Variants in CHSY3 observed in about 807,000 individuals in gnomAD.
CHSY3 encodes the protein chondroitin sulfate synthase 3.
Under a neutral mutation model 67.2 loss-of-function variants are expected in CHSY3, and 35 were observed. That is an observed-to-expected ratio of 0.52 (90% CI 0.40 to 0.69). CHSY3 has a LOEUF of 0.69. Among genes scored for constraint, CHSY3 ranks in the 30% least tolerant of loss-of-function variants. CHSY3 has a pLI of 0.00. For synonymous variants in CHSY3, 474 were observed against 434.7 expected, an observed-to-expected ratio of 1.09 and a Z score of -1.12; for missense variants, 1,069 against 1,138.5, an observed-to-expected ratio of 0.94 and a Z score of 0.88.
intron 2 of CHSY3, among the ~76,000 whole-genome samples, chr5:130,086,483 T>C (rs963297794): frequency 6.6e-6 from 1 of 152,120 alleles, no homozygotes. Flanking sequence ...CTCCATCGTT[T>C]TATTTTGAGC....
intron 2 of CHSY3, among the ~76,000 whole-genome samples, chr5:130,033,281 T>C (rs1367621093): frequency 6.6e-6 from 1 of 152,170 alleles, no homozygotes; most frequent in Non-Finnish European, 1.5e-5. Context: ...TTTTCTTCAA[T>C]TATTTTATCC....
chr5:129,918,185 C>T (rs1760795712), intron 2 of CHSY3, among the ~76,000 whole-genome samples: 1 of 152,024 alleles, frequency 6.6e-6, no homozygotes, highest in South Asian at 2.1e-4. Flanking sequence ...TATTAATTAC[C>T]CTTTTCTTAA....
chr5:129,904,068 A>C (rs895226613), upstream of CHSY3, among the ~76,000 whole-genome samples: 1 of 151,614 alleles, frequency 6.6e-6, no homozygotes, highest in Non-Finnish European at 1.5e-5. Context: ...TCCGCCGATG[A>C]GGTCAGCGGA....
At chr5:129,995,447 C>G (rs1201463110) in intron 2 of CHSY3, among the ~76,000 whole-genome samples, 1 of 150,598 alleles carries the variant, frequency 6.6e-6, no homozygotes, top group East Asian at 1.9e-4. Context: ...AAGTCTAATT[C>G]GTCGATTAAA....
At chr5:130,094,484 T>C (rs1173944649) in intron 2 of CHSY3, among the ~76,000 whole-genome samples, 1 of 152,078 alleles carries the variant, frequency 6.6e-6, no homozygotes, top group Non-Finnish European at 1.5e-5. Flanking sequence ...TTCCAAACCA[T>C]ATACAGGATA....
At position 129,946,966 on chromosome 5, in the gene CHSY3, A is replaced by G. The variant is rs1162155757; in HGVS notation, c.1086+38606A>G. On this transcript the variant is annotated intron_variant, in intron 2 of 2. Coordinates refer to ENST00000305031, the MANE Select transcript of CHSY3 (RefSeq NM_175856.5). Reference sequence around the variant, plus strand: ...ATGTGGGATTGCTGGATCATATGGTAGTTGTATTTTTAATTTTATGAGGAA... The same window carrying G: ...ATGTGGGATTGCTGGATCATATGGTGGTTGTATTTTTAATTTTATGAGGAA... Among the ~76,000 whole-genome samples the G allele has an allele frequency of 2.0e-5, 3 of 152,282 alleles. No homozygotes were observed. The East Asian group carries it at 5.8e-4, about 29-fold the overall frequency.
At chr5:130,094,336 A>G (rs1766978104) in intron 2 of CHSY3, among the ~76,000 whole-genome samples, 1 of 152,218 alleles carries the variant, frequency 6.6e-6, no homozygotes, top group Non-Finnish European at 1.5e-5. Context: ...ATAGTTTTAA[A>G]GACCAAATCT....
chr5:130,040,671 C>G (rs1321502975), intron 2 of CHSY3, among the ~76,000 whole-genome samples: 1 of 152,114 alleles, frequency 6.6e-6, no homozygotes, highest in African/African-American at 2.4e-5. Context: ...TTTGAAACTT[C>G]ATGGGCACTC....
intron 2 of CHSY3, among the ~76,000 whole-genome samples, chr5:129,948,293 T>TA (rs1246489750): frequency 6.6e-6 from 1 of 152,202 alleles, no homozygotes; most frequent in Non-Finnish European, 1.5e-5. Context: ...ACCCAAGTAG[T>TA]ATATGTTATA....
At chr5:130,002,327 G>A (rs1216690260) in intron 2 of CHSY3, 4 of 152,208 alleles carry the variant, frequency 2.6e-5, no homozygotes, top group Non-Finnish European at 5.9e-5. Flanking sequence ...GAGTGCTTCC[G>A]GCCCAGGCTG....
At chr5:130,006,042 A>C (rs761764018) in intron 2 of CHSY3, among the ~76,000 whole-genome samples, 30 of 152,292 alleles carry the variant, frequency 2.0e-4, no homozygotes, top group Non-Finnish European at 4.4e-4. Context: ...GCCCATACTA[A>C]TTTGTGTCAA....
chr5:130,069,928 T>C (rs373863997), intron 2 of CHSY3, among the ~76,000 whole-genome samples: 1 of 152,252 alleles, frequency 6.6e-6, no homozygotes, highest in South Asian at 2.1e-4. Context: ...GGAGGTACTT[T>C]ATTACCATTT....
intron 2 of CHSY3, among the ~76,000 whole-genome samples, chr5:130,083,989 A>G (rs531573099): frequency 6.6e-6 from 1 of 151,948 alleles, no homozygotes; most frequent in African/African-American, 2.4e-5. Context: ...CAAACAGTTT[A>G]CTACCCACCT....
chr5:130,056,918 C>CTTTTTTTTTT (rs58326964), intron 2 of CHSY3, among the ~76,000 whole-genome samples: 18 of 56,104 alleles, frequency 3.2e-4, no homozygotes, highest in Admixed American at 5.7e-4. Context: ...GCATTTCTTT[C>CTTTTTTTTTT]TTTTTTTTTT....
At chr5:130,112,681 G>C (rs1364267046) in intron 2 of CHSY3, among the ~76,000 whole-genome samples, 1 of 152,092 alleles carries the variant, frequency 6.6e-6, no homozygotes, top group Non-Finnish European at 1.5e-5. Flanking sequence ...TTTGTTTGGA[G>C]AGATATAGAC....
At position 130,056,307 on chromosome 5, in the gene CHSY3, G is replaced by A. The variant is rs115634207; in HGVS notation, c.1087-127922G>A. Among the ~76,000 whole-genome samples the A allele has an allele frequency of 9.6e-3, 1,444 of 149,882 alleles. 19 individuals are homozygous for A. Among genetic ancestry groups the A allele is most frequent in the African/African-American group, 0.033 (1,353 of 41,006 alleles). On this transcript the variant is annotated intron_variant, in intron 2 of 2. Coordinates refer to ENST00000305031, the MANE Select transcript of CHSY3 (RefSeq NM_175856.5). ...ACTGGGCAGTTAATCTGACAGCTTCGTGTTCACTTTGATTTAAAATTTGCT... is the reference window on the plus strand; with the variant it reads ...ACTGGGCAGTTAATCTGACAGCTTCATGTTCACTTTGATTTAAAATTTGCT...
chr5:130,091,434 G>A (rs1040374658), intron 2 of CHSY3, among the ~76,000 whole-genome samples: 1 of 152,174 alleles, frequency 6.6e-6, no homozygotes, highest in East Asian at 1.9e-4. Flanking sequence ...CAACAAAAAA[G>A]TGAAGGAAAA....
At chr5:130,016,357 G>T (rs1325828810) in intron 2 of CHSY3, among the ~76,000 whole-genome samples, 1 of 152,194 alleles carries the variant, frequency 6.6e-6, no homozygotes, top group Non-Finnish European at 1.5e-5. Context: ...CAGGGCTGAT[G>T]ATTTTGTCCA....
chr5:130,179,450 G>A (rs996037993), intron 2 of CHSY3, among the ~76,000 whole-genome samples: 30 of 151,414 alleles, frequency 2.0e-4, no homozygotes, highest in Admixed American at 5.3e-4. Context: ...AATTTCTGCC[G>A]TTCTATCCCT....
Sources: allele counts gnomAD v4.1 joint callset (sites outside exome capture counted in the v4.1 genomes callset), GRCh38; gene constraint gnomAD v4.1.1; transcripts MANE v1.5; gene names NCBI Gene and HGNC (gene_info 2026-07-23, HGNC 2026-07-21).